The following APLP2 variants were observed in gnomAD, a reference collection of about 807,000 sequenced individuals.
APLP2 encodes the protein CDEI box-binding protein.
A neutral mutation model predicts 89.9 loss-of-function variants in APLP2; 53 were observed. That is an observed-to-expected ratio of 0.59 (90% CI 0.47 to 0.74). The LOEUF (loss-of-function observed/expected upper bound fraction) is 0.74. APLP2 is among the 30% of genes least tolerant of loss of function. APLP2 has a pLI of 0.00. For synonymous variants in APLP2, 372 were observed against 348.6 expected, an observed-to-expected ratio of 1.07 and a Z score of -0.75; for missense variants, 973 against 975.9, an observed-to-expected ratio of 1.00 and a Z score of 0.04.
At chr11:130,087,260 A>G (rs1944250830) in intron 1 of APLP2, among the ~76,000 whole-genome samples, 1 of 152,170 alleles carries the variant, frequency 6.6e-6, no homozygotes, top group African/African-American at 2.4e-5. Flanking sequence ...GAGGTTGAAG[A>G]CCTGCAGTCT....
At chr11:130,122,659 G>A in intron 6 of APLP2, 146 bp downstream of exon 6, 1 of 1,399,262 alleles carries the variant, frequency 7.1e-7, no homozygotes, top group East Asian at 2.5e-5. Context: ...CTCCAGTGCA[G>A]TGATGGGATG....
intron 1 of APLP2, among the ~76,000 whole-genome samples, chr11:130,075,178 G>T (rs571148886): frequency 1.8e-4 from 28 of 152,192 alleles, no homozygotes; most frequent in South Asian, 1.7e-3. Flanking sequence ...TTGAGACAGG[G>T]TCTCACTCTT....
chr11:130,123,811 C>T lies in APLP2; in HGVS notation c.1090+32C>T, dbSNP rs1376502450. ...CCTGCCTCGCGCTGGTCCCGTGCGGCAGCACCGTCCTGTCTGGCGTCCGTC... is the reference window on the plus strand; with the variant it reads ...CCTGCCTCGCGCTGGTCCCGTGCGGTAGCACCGTCCTGTCTGGCGTCCGTC... On this transcript the variant is annotated intron_variant, in intron 7 of 16. Coordinates refer to ENST00000338167, the MANE Select transcript of APLP2 (RefSeq NM_001142276.2). The surrounding 1 kb of genome is among the most constrained non-coding windows in gnomAD (Gnocchi z 4.0). 2.5e-6 allele frequency: 4 copies of T among 1,605,922 alleles called. 1 individual carries two copies. Among genetic ancestry groups the T allele is most frequent in the East Asian group, 4.5e-5 (2 of 44,818 alleles).
intron 1 of APLP2, among the ~76,000 whole-genome samples, chr11:130,107,956 A>C (rs897591956): frequency 3.3e-5 from 5 of 152,204 alleles, no homozygotes; most frequent in African/African-American, 9.6e-5. Context: ...CAAAAACAAG[A>C]AATTGGGAAA....
chr11:130,087,002 T>G (rs1469119697), intron 1 of APLP2, among the ~76,000 whole-genome samples: 1 of 152,214 alleles, frequency 6.6e-6, no homozygotes, highest in African/African-American at 2.4e-5. Context: ...CAAAACCCTG[T>G]TGGGCTATTA....
intron 1 of APLP2, among the ~76,000 whole-genome samples, chr11:130,106,588 C>T (rs1947796627): frequency 6.6e-6 from 1 of 152,176 alleles, no homozygotes. Flanking sequence ...CTCTCTGCCT[C>T]AAAATCAACA....
At chr11:130,083,450 T>C (rs529698764) in intron 1 of APLP2, among the ~76,000 whole-genome samples, 6 of 152,370 alleles carry the variant, frequency 3.9e-5, no homozygotes, top group South Asian at 2.1e-4. Context: ...CTAGAACTTA[T>C]GCATCTTGCA....
At chr11:130,135,514 C>G in intron 12 of APLP2, 49 bp from the exon 13 acceptor site, 1 of 1,599,624 alleles carries the variant, frequency 6.3e-7, no homozygotes, top group Non-Finnish European at 8.5e-7. Flanking sequence ...TGCCTGGACA[C>G]CAGGCCCTTC....
intron 11 of APLP2, 109 bp downstream of exon 11, chr11:130,130,275 T>C: frequency 7.0e-7 from 1 of 1,427,294 alleles, no homozygotes; most frequent in Non-Finnish European, 9.7e-7. Flanking sequence ...CTACTAGTCC[T>C]TAGAAAATGA....
chr11:130,143,299 A>G, intron 16 of APLP2, 48 bp from the exon 17 acceptor site: 1 of 1,519,916 alleles, frequency 6.6e-7, no homozygotes, highest in Non-Finnish European at 9.1e-7. Context: ...CACCCTGTGC[A>G]GGTCTCTTCC....
chr11:130,105,433 G>A (rs1201021476), intron 1 of APLP2, among the ~76,000 whole-genome samples: 3 of 152,124 alleles, frequency 2.0e-5, no homozygotes, highest in African/African-American at 4.8e-5. Flanking sequence ...AAGGGTGGGG[G>A]CATCAAAGCT....
intron 8 of APLP2, 72 bp downstream of exon 8, chr11:130,126,902 A>T: frequency 1.3e-6 from 2 of 1,589,894 alleles, no homozygotes; most frequent in Non-Finnish European, 1.7e-6. Context: ...GCTGAAGAAA[A>T]GTAATAGCTT....
chr11:130,130,296 C>G lies in APLP2; in HGVS notation c.1584+130C>G, dbSNP rs1428359803. ...GTCCTTAGAAAATGAGTTTTGATTT[C>G]CGAAGACATTCGGTACGTGAACTGG... On this transcript the variant is annotated intron_variant, in intron 11 of 16. Coordinates refer to ENST00000338167, the MANE Select transcript of APLP2 (RefSeq NM_001142276.2). The G allele has an allele frequency of 2.3e-6, 3 of 1,277,558 alleles. No individual in the cohort carries two copies. In the African/African-American group the frequency reaches 4.4e-5, roughly 19 times the overall value. 79.1% of individuals were successfully genotyped at this position (1,277,558 alleles called of 1,614,324 possible).
intron 10 of APLP2, 133 bp downstream of exon 10, chr11:130,129,339 G>T: frequency 9.3e-7 from 1 of 1,071,520 alleles, no homozygotes; most frequent in Non-Finnish European, 1.3e-6. Context: ...AGATGATGAG[G>T]GAGGAAAAGG....
At chr11:130,105,969 C>G (rs1414678632) in intron 1 of APLP2, among the ~76,000 whole-genome samples, 1 of 152,028 alleles carries the variant, frequency 6.6e-6, no homozygotes, top group Non-Finnish European at 1.5e-5. Context: ...TCCCAAAGTG[C>G]TGAGATTACA....
chr11:130,142,053 C>T lies in APLP2; in HGVS notation c.2133C>T (p.Thr711=), dbSNP rs1952475570. The T allele has an allele frequency of 1.2e-6, 2 of 1,613,304 alleles. No individual in the cohort carries two copies. The highest frequency in any genetic ancestry group is 1.1e-5 in the South Asian group (1 of 90,924). ...TGCTGAGGAAGAGGCAGTATGGCACCATCAGCCACGGGATCGTGGAGGTGA... is the reference window on the plus strand; with the variant it reads ...TGCTGAGGAAGAGGCAGTATGGCACTATCAGCCACGGGATCGTGGAGGTGA... ...LVMLRKRQYG[T]ISHGIVEVDP... The change falls in exon 16 of 17, where the codon ACC becomes ACT. Residue 711 remains threonine, a synonymous_variant. Transcript: ENST00000338167.
intron 1 of APLP2, chr11:130,070,853 G>C: frequency 9.2e-7 from 1 of 1,089,534 alleles, no homozygotes; most frequent in Non-Finnish European, 1.2e-6. Context: ...AATTCCATCA[G>C]TGGTTGTGCT....
chr11:130,107,570 C>T (rs990264567), intron 1 of APLP2, among the ~76,000 whole-genome samples: 7 of 152,140 alleles, frequency 4.6e-5, no homozygotes, highest in African/African-American at 9.7e-5. Context: ...AAAGAGGACA[C>T]AAACAAATGG....
intron 1 of APLP2, among the ~76,000 whole-genome samples, chr11:130,098,487 T>C (rs933590182): frequency 3.9e-5 from 6 of 152,204 alleles, no homozygotes; most frequent in African/African-American, 1.4e-4. Context: ...AGAGATCTAG[T>C]GAAGTCAATT....
Sources: gnomAD v4.1 joint callset for allele counts (sites outside exome capture counted in the v4.1 genomes callset) on GRCh38, gnomAD v4.1.1 for gene constraint, Gnocchi (gnomAD v3.1) non-coding constraint, MANE v1.5 for transcripts, NCBI Gene and HGNC (gene_info 2026-07-23, HGNC 2026-07-21) for gene names.